Variants in CPSF3 observed in about 807,000 individuals in gnomAD.
CPSF3 encodes cleavage and polyadenylation specificity factor subunit 3.
CPSF3 carries 57 observed loss-of-function variants against 84.1 expected under a neutral mutation model. The ratio of observed to expected loss-of-function variants is 0.68; its 90% confidence interval spans 0.55 to 0.85. CPSF3 has a LOEUF of 0.85. CPSF3 is among the 40% of genes least tolerant of loss of function. The probability of loss-of-function intolerance (pLI) is 0.00; values close to 1 mark genes in which losing one functional copy is unlikely to be tolerated. For synonymous variants in CPSF3, 275 were observed against 278.1 expected (o/e 0.99, Z 0.11); for missense variants, 522 against 838.8 (o/e 0.62, Z 4.66).
chr2:9,453,352 A>G (rs1681400956), intron 12 of CPSF3, among the ~76,000 whole-genome samples: 3 of 152,180 alleles, frequency 2.0e-5, no homozygotes, highest in South Asian at 4.1e-4. Flanking sequence ...TTTGGTTTTT[A>G]TGACCTTTGC....
At chr2:9,444,682 TTGGA>T (rs1681071700) in intron 10 of CPSF3, among the ~76,000 whole-genome samples, 1 of 143,580 alleles carries the variant, frequency 7.0e-6, no homozygotes, top group South Asian at 2.2e-4. Flanking sequence ...GTTTGTTTGT[TTGGA>T]TGAAGTCTTG....
intron 16 of CPSF3, 47 bp downstream of exon 16, chr2:9,467,823 G>A (rs777590953): frequency 1.1e-5 from 16 of 1,492,076 alleles, no homozygotes; most frequent in Admixed American, 8.4e-5. Context: ...GACAGCGGCC[G>A]GAAGGAGCCC....
At chr2:9,431,539 T>C (rs11693111) in intron 4 of CPSF3, among the ~76,000 whole-genome samples, 1 of 105,546 alleles carries the variant, frequency 9.5e-6, no homozygotes. Flanking sequence ...ATTTTTTTTT[T>C]CTTTTTTTTT....
chr2:9,454,050 A>T (rs1681426193), intron 12 of CPSF3, among the ~76,000 whole-genome samples: 1 of 152,180 alleles, frequency 6.6e-6, no homozygotes, highest in African/African-American at 2.4e-5. Flanking sequence ...ATTATTTTCG[A>T]GTAAATACTA....
intron 10 of CPSF3, 104 bp downstream of exon 10, chr2:9,443,765 G>T: frequency 1.6e-6 from 2 of 1,238,948 alleles, no homozygotes; most frequent in Non-Finnish European, 2.3e-6. Flanking sequence ...ACCTACTAAT[G>T]CGACACCCCC....
intron 3 of CPSF3, 80 bp from the exon 4 acceptor site, chr2:9,430,672 G>A: frequency 3.7e-6 from 5 of 1,366,594 alleles, no homozygotes; most frequent in Non-Finnish European, 5.0e-6. Context: ...AACTTGTTTT[G>A]TACAGTAAGC....
In CPSF3 at chr2:9,443,722, G is replaced by A. The variant is rs1572781907; in HGVS notation, c.1242+61G>A. 1.8e-5 allele frequency: 29 copies of A among 1,571,644 alleles called. 1 individual carries two copies. In the East Asian group the frequency reaches 6.1e-4, roughly 33 times the overall value. On this transcript the variant is annotated intron_variant, in intron 10 of 17. Transcript: ENST00000238112. ...AAAAAAAGTGCATACCCAGGAAACTGTGCAGCAGGCAGTTCACAAAGCAGG... is the reference window on the plus strand; with the variant it reads ...AAAAAAAGTGCATACCCAGGAAACTATGCAGCAGGCAGTTCACAAAGCAGG...
chr2:9,466,343 C>T (rs1336566440), intron 15 of CPSF3, among the ~76,000 whole-genome samples: 6 of 58,426 alleles, frequency 1.0e-4, no homozygotes, highest in Admixed American at 2.6e-4. Flanking sequence ...CGCACACACG[C>T]GCGCGCGCGC....
chr2:9,466,516 G>A (rs956284899), intron 15 of CPSF3, among the ~76,000 whole-genome samples: 1 of 152,218 alleles, frequency 6.6e-6, no homozygotes, highest in African/African-American at 2.4e-5. Flanking sequence ...AGGATCACCA[G>A]AGCACAGAGG....
intron 3 of CPSF3, 55 bp downstream of exon 3, chr2:9,430,075 C>T: frequency 9.7e-7 from 1 of 1,030,824 alleles, no homozygotes; most frequent in South Asian, 1.5e-5. Flanking sequence ...CTATCAAGAT[C>T]ATTCTTTACT....
At chr2:9,436,858 G>A (rs1313334695) in intron 7 of CPSF3, among the ~76,000 whole-genome samples, 2 of 151,974 alleles carry the variant, frequency 1.3e-5, no homozygotes, top group Admixed American at 6.5e-5. Context: ...TGTTGGGAAT[G>A]TGAACTGGCG....
intron 8 of CPSF3, 49 bp downstream of exon 8, chr2:9,440,715 A>G (rs757845957): frequency 6.3e-7 from 1 of 1,591,396 alleles, no homozygotes; most frequent in Non-Finnish European, 8.6e-7. Flanking sequence ...CAAATCAGTC[A>G]TTAGTAGTAG....
Position 9,432,580 on chromosome 2 carries a change from T to C in CPSF3, c.411T>C (p.Thr137=). 1 of 1,571,656 alleles carries C rather than the reference T, an allele frequency of 6.4e-7. No individual in the cohort carries two copies. Among genetic ancestry groups the C allele is most frequent in the Non-Finnish European group, 8.7e-7 (1 of 1,149,774 alleles). Residue 137 remains threonine, a synonymous_variant, in exon 5 of 18, where the codon ACT becomes ACC. Coordinates refer to ENST00000238112, the MANE Select transcript of CPSF3 (RefSeq NM_016207.4). The part of the protein sequence containing the change: ...DLEESMDKIE[T]INFHEVKEVA... Reference sequence around the variant, plus strand: ...AAGAAAGCATGGACAAAATTGAAACTATCAACTTTCATGAAGTTAAGGAAG... The same window carrying C: ...AAGAAAGCATGGACAAAATTGAAACCATCAACTTTCATGAAGTTAAGGAAG...
rs984074332 is a variant in CPSF3, at chr2:9,433,810, A to G, written c.520-61A>G. The stretch of plus-strand genomic sequence containing the variant: ...CTTTTGGATTTCATGAGTTTAATCT[A>G]TTCACTAGCAAAATGAAGCCTTCCC... On this transcript the variant is annotated intron_variant, in intron 5 of 17. Coordinates refer to ENST00000238112, the MANE Select transcript of CPSF3 (RefSeq NM_016207.4). The G allele has an allele frequency of 5.3e-6, 6 of 1,131,514 alleles. No individual in the cohort carries two copies. In the African/African-American group the frequency reaches 6.2e-5, roughly 12 times the overall value. 70.1% of individuals were successfully genotyped at this position (1,131,514 alleles called of 1,614,324 possible).
At chr2:9,437,352 C>T (rs980149983) in intron 7 of CPSF3, among the ~76,000 whole-genome samples, 3 of 151,732 alleles carry the variant, frequency 2.0e-5, no homozygotes, top group Non-Finnish European at 4.4e-5. Context: ...TGCAGTGAGC[C>T]GAGATTGCAC....
chr2:9,465,226 T>G (rs1046391665), intron 15 of CPSF3, among the ~76,000 whole-genome samples: 3 of 152,164 alleles, frequency 2.0e-5, no homozygotes, highest in African/African-American at 7.2e-5. Context: ...AAGTAATTAC[T>G]TGGGCTGGGA....
chr2:9,466,278 A>G (rs1224700635), intron 15 of CPSF3, among the ~76,000 whole-genome samples: 1 of 142,842 alleles, frequency 7.0e-6, no homozygotes, highest in East Asian at 2.0e-4. Flanking sequence ...ACGCACGCAC[A>G]CACGTGCGCA....
intron 15 of CPSF3, among the ~76,000 whole-genome samples, chr2:9,466,346 GCGCGCGCA>G (rs1681963431): frequency 2.2e-5 from 2 of 90,038 alleles, no homozygotes; most frequent in Admixed American, 1.0e-4. Flanking sequence ...ACACACGCGC[GCGCGCGCA>G]CACACACACG....
intron 12 of CPSF3, 105 bp from the exon 13 acceptor site, chr2:9,455,554 A>T: frequency 1.3e-6 from 1 of 789,550 alleles, no homozygotes; most frequent in Non-Finnish European, 2.1e-6. Context: ...TAGCTTTCTG[A>T]AAAACATGTT....
Sources: gnomAD v4.1 joint callset for allele counts (sites outside exome capture counted in the v4.1 genomes callset) on GRCh38, gnomAD v4.1.1 for gene constraint, MANE v1.5 for transcripts, NCBI Gene and HGNC (gene_info 2026-07-23, HGNC 2026-07-21) for gene names.